SUCLG2: variants seen among roughly 807,000 people sequenced by gnomAD.
The protein encoded by SUCLG2 is succinate--CoA ligase [GDP-forming] subunit beta, mitochondrial.
Under a neutral mutation model 47.9 loss-of-function variants are expected in SUCLG2, and 42 were observed. That is an observed-to-expected ratio of 0.88 (90% CI 0.69 to 1.14). The LOEUF (loss-of-function observed/expected upper bound fraction) is 1.14. SUCLG2 is among the 50% of genes most tolerant of loss of function. The probability of loss-of-function intolerance (pLI) is 0.00; values close to 1 mark genes in which losing one functional copy is unlikely to be tolerated. For missense variants in SUCLG2, 571 were observed against 525.9 expected, an observed-to-expected ratio of 1.09 and a Z score of -0.84; for synonymous variants, 195 against 197.3, an observed-to-expected ratio of 0.99 and a Z score of 0.10.
At chr3:67,397,893 T>A (rs9682516) in intron 10 of SUCLG2, among the ~76,000 whole-genome samples, 41,261 of 145,418 alleles carry the variant, frequency 0.28, 7,054 homozygotes, top group African/African-American at 0.43. Flanking sequence ...GATCTTTGAC[T>A]AACCTGACAA....
At chr3:67,380,363 G>A (rs532342428) in intron 10 of SUCLG2, among the ~76,000 whole-genome samples, 27 of 152,144 alleles carry the variant, frequency 1.8e-4, no homozygotes, top group African/African-American at 6.3e-4. Flanking sequence ...TAACACTGGT[G>A]GACAGGGCCA....
intron 10 of SUCLG2, among the ~76,000 whole-genome samples, chr3:67,391,653 G>A (rs578230831): frequency 1.6e-4 from 24 of 152,208 alleles, no homozygotes; most frequent in Middle Eastern, 3.4e-3. Flanking sequence ...TTTTCATTCA[G>A]AATATTAGAG....
At chr3:67,414,086 T>C (rs1429242905) in intron 9 of SUCLG2, among the ~76,000 whole-genome samples, 1 of 152,258 alleles carries the variant, frequency 6.6e-6, no homozygotes, top group Non-Finnish European at 1.5e-5. Flanking sequence ...TTGAATATCA[T>C]GTCAAAGTTC....
chr3:67,513,028 CTA>C (rs1174182007), intron 6 of SUCLG2, among the ~76,000 whole-genome samples: 1 of 150,630 alleles, frequency 6.6e-6, no homozygotes, highest in Non-Finnish European at 1.5e-5. Flanking sequence ...TTAGAGATCT[CTA>C]TATACATACA....
At chr3:67,543,806 AAG>A (rs1475089939) in intron 2 of SUCLG2, among the ~76,000 whole-genome samples, 2 of 150,830 alleles carry the variant, frequency 1.3e-5, no homozygotes, top group African/African-American at 5.0e-5. Context: ...GAAAAATAAA[AAG>A]AGTTTAAAAG....
At chr3:67,497,692 T>C (rs1036324722) in intron 8 of SUCLG2, among the ~76,000 whole-genome samples, 3 of 145,766 alleles carry the variant, frequency 2.1e-5, no homozygotes, top group South Asian at 2.1e-4. Context: ...AAGGTTCTAA[T>C]TTTTTACTAA....
chr3:67,554,530 T>C (rs1575774463), intron 2 of SUCLG2, among the ~76,000 whole-genome samples: 1 of 152,334 alleles, frequency 6.6e-6, no homozygotes, highest in East Asian at 1.9e-4. Flanking sequence ...ATTTCTTTAC[T>C]GCCTGACTGA....
At chr3:67,463,425 C>T (rs1262544167) in intron 9 of SUCLG2, among the ~76,000 whole-genome samples, 4 of 152,188 alleles carry the variant, frequency 2.6e-5, no homozygotes, top group African/African-American at 9.6e-5. Context: ...AATATCTGTA[C>T]ATACATACAG....
At chr3:67,428,779 A>G (rs914762438) in intron 9 of SUCLG2, among the ~76,000 whole-genome samples, 3 of 152,238 alleles carry the variant, frequency 2.0e-5, no homozygotes, top group Admixed American at 6.5e-5. Flanking sequence ...GCTGAAAACC[A>G]TGGCATGAGA....
At chr3:67,476,458 C>T (rs780263792) in intron 9 of SUCLG2, among the ~76,000 whole-genome samples, 12 of 152,032 alleles carry the variant, frequency 7.9e-5, no homozygotes, top group Admixed American at 2.6e-4. Context: ...CCAGATGGGA[C>T]GATCTAGTAG....
intron 1 of SUCLG2, among the ~76,000 whole-genome samples, chr3:67,632,512 A>G (rs907382722): frequency 1.3e-5 from 2 of 152,024 alleles, no homozygotes; most frequent in African/African-American, 4.8e-5. Context: ...AGCATCTACT[A>G]TGTGTCAGGT....
chr3:67,598,676 C>A (rs1708348663), intron 2 of SUCLG2, among the ~76,000 whole-genome samples: 1 of 152,166 alleles, frequency 6.6e-6, no homozygotes, highest in African/African-American at 2.4e-5. Context: ...TAAATTACAA[C>A]CCCTGCATCA....
intron 1 of SUCLG2, among the ~76,000 whole-genome samples, chr3:67,650,271 C>T (rs1575844621): frequency 6.6e-6 from 1 of 152,246 alleles, no homozygotes; most frequent in African/African-American, 2.4e-5. Flanking sequence ...TAGTCCTTCA[C>T]TTACAAAAGT....
At chr3:67,609,641 A>G (rs777789053) in intron 1 of SUCLG2, 45 bp from the exon 2 acceptor site, 2 of 1,588,232 alleles carry the variant, frequency 1.3e-6, no homozygotes, top group Non-Finnish European at 1.7e-6. Flanking sequence ...ATTAATAGCA[A>G]GAAAAATAAA....
intron 9 of SUCLG2, among the ~76,000 whole-genome samples, chr3:67,462,292 A>G (rs1482450935): frequency 6.6e-6 from 1 of 151,964 alleles, no homozygotes; most frequent in African/African-American, 2.4e-5. Context: ...GGGTCATTAG[A>G]CCCTCATTTC....
At chr3:67,566,019 A>G (rs1316627849) in intron 2 of SUCLG2, among the ~76,000 whole-genome samples, 2 of 152,214 alleles carry the variant, frequency 1.3e-5, no homozygotes, top group Admixed American at 6.5e-5. Context: ...GGACCACAGT[A>G]ACAACCTTGA....
intron 2 of SUCLG2, among the ~76,000 whole-genome samples, chr3:67,550,610 T>C (rs1230298873): frequency 6.6e-6 from 1 of 152,196 alleles, no homozygotes; most frequent in Non-Finnish European, 1.5e-5. Context: ...GTTATAGGTG[T>C]CAGCCATCAC....
At chr3:67,406,084 G>C (rs1702799419) in intron 9 of SUCLG2, among the ~76,000 whole-genome samples, 1 of 152,140 alleles carries the variant, frequency 6.6e-6, no homozygotes, top group South Asian at 2.1e-4. Flanking sequence ...TTGTGAGACA[G>C]ATATTACCTA....
intron 2 of SUCLG2, among the ~76,000 whole-genome samples, chr3:67,542,118 C>T (rs113081188): frequency 0.023 from 3,466 of 152,208 alleles, 134 homozygotes; most frequent in African/African-American, 0.079. Flanking sequence ...AGGTGATCCA[C>T]CCACCTCAGC....
Sources: allele counts gnomAD v4.1 joint callset (sites outside exome capture counted in the v4.1 genomes callset), GRCh38; gene constraint gnomAD v4.1.1; transcripts MANE v1.5; gene names NCBI Gene and HGNC (gene_info 2026-07-23, HGNC 2026-07-21).